Variants in USP15 observed in about 807,000 individuals in gnomAD.
USP15 encodes ubiquitin carboxyl-terminal hydrolase 15.
Under a neutral mutation model 127.1 loss-of-function variants are expected in USP15, and 18 were observed. The observed-to-expected ratio is 0.14, with a 90% CI of 0.10 to 0.21. The LOEUF (loss-of-function observed/expected upper bound fraction) is 0.21, where lower values mean the gene tolerates loss of function less well. Among genes scored for constraint, USP15 ranks in the 10% least tolerant of loss-of-function variants. USP15 has a pLI of 1.00. For missense variants in USP15, 805 were observed against 1,159.9 expected, an observed-to-expected ratio of 0.69 and a Z score of 4.44; for synonymous variants, 364 against 393.7, an observed-to-expected ratio of 0.92 and a Z score of 0.89.
chr12:62,395,031 C>T (rs10877834), intron 19 of USP15, among the ~76,000 whole-genome samples: 34,084 of 151,952 alleles, frequency 0.22, 4,163 homozygotes, highest in African/African-American at 0.34. Flanking sequence ...TTTGATTAGT[C>T]AGTTACATTC....
At chr12:62,331,011 C>T (rs541123279) in intron 6 of USP15, among the ~76,000 whole-genome samples, 1 of 150,178 alleles carries the variant, frequency 6.7e-6, no homozygotes, top group South Asian at 2.1e-4. Flanking sequence ...CAGCACAGAA[C>T]ACGTAATTTT....
At chr12:62,370,673 G>A (rs1382899474) in intron 8 of USP15, among the ~76,000 whole-genome samples, 1 of 152,106 alleles carries the variant, frequency 6.6e-6, no homozygotes, top group Non-Finnish European at 1.5e-5. Context: ...TTGACCTCCT[G>A]TTTGCTAGGT....
intron 1 of USP15, among the ~76,000 whole-genome samples, chr12:62,287,044 A>G (rs1386519014): frequency 6.6e-6 from 1 of 152,200 alleles, no homozygotes; most frequent in Non-Finnish European, 1.5e-5. Context: ...GGAGGCCATT[A>G]TTCTAAGCAA....
intron 6 of USP15, among the ~76,000 whole-genome samples, chr12:62,328,113 TAAG>T (rs2065185139): frequency 1.3e-5 from 2 of 152,152 alleles, no homozygotes; most frequent in African/African-American, 4.8e-5. Context: ...GAGGAGAAGA[TAAG>T]AAAGAAGAAA....
At chr12:62,282,804 AAGG>A (rs2063690509) in intron 1 of USP15, among the ~76,000 whole-genome samples, 2 of 152,186 alleles carry the variant, frequency 1.3e-5, no homozygotes, top group Non-Finnish European at 2.9e-5. Context: ...CTGCAGATAA[AAGG>A]AGGCTACTGT....
chr12:62,314,759 G>A, intron 3 of USP15, 31 bp from the exon 4 acceptor site: 1 of 1,504,944 alleles, frequency 6.6e-7, no homozygotes, highest in Non-Finnish European at 8.9e-7. Flanking sequence ...TGATATAGGT[G>A]ACACTGATTT....
chr12:62,305,943 C>T (rs771029775), intron 3 of USP15: 1 of 152,186 alleles, frequency 6.6e-6, no homozygotes, highest in Non-Finnish European at 1.5e-5. Context: ...TCATTTCTCA[C>T]TCGGGGAATT....
chr12:62,313,390 C>T (rs963049499), intron 3 of USP15, among the ~76,000 whole-genome samples: 2 of 151,442 alleles, frequency 1.3e-5, no homozygotes, highest in Admixed American at 6.6e-5. Context: ...CCTTTTCCTG[C>T]TTTGTGTTGG....
intron 1 of USP15, among the ~76,000 whole-genome samples, chr12:62,275,152 A>G (rs2063453634): frequency 6.6e-6 from 1 of 152,014 alleles, no homozygotes; most frequent in Non-Finnish European, 1.5e-5. Flanking sequence ...AGAATGGGTA[A>G]ATGGAGAGAG....
intron 19 of USP15, among the ~76,000 whole-genome samples, chr12:62,396,082 CATT>C (rs1405362916): frequency 6.6e-6 from 1 of 151,718 alleles, no homozygotes; most frequent in Non-Finnish European, 1.5e-5. Flanking sequence ...TTTGCCAAAA[CATT>C]AATATCTCAG....
intron 1 of USP15, among the ~76,000 whole-genome samples, chr12:62,285,409 C>CA (rs1052524480): frequency 6.6e-6 from 1 of 152,068 alleles, no homozygotes; most frequent in African/African-American, 2.4e-5. Context: ...CATGTTGCTG[C>CA]AAAAAACATG....
chr12:62,362,949 A>G (rs1194788140), intron 8 of USP15, among the ~76,000 whole-genome samples: 1 of 152,192 alleles, frequency 6.6e-6, no homozygotes, highest in Non-Finnish European at 1.5e-5. Flanking sequence ...TAGAAGGACC[A>G]AAAACATGTG....
At chr12:62,332,686 C>G (rs953689432) in intron 6 of USP15, among the ~76,000 whole-genome samples, 5 of 152,014 alleles carry the variant, frequency 3.3e-5, no homozygotes, top group Admixed American at 6.6e-5. Flanking sequence ...TGGAAAACAT[C>G]CAGAGAAAAA....
At position 62,324,223 on chromosome 12, in the gene USP15, C is replaced by G. The variant is rs146904227; in HGVS notation, c.622-1649C>G. On this transcript the variant is annotated intron_variant, in intron 5 of 21. Coordinates refer to ENST00000280377, the MANE Select transcript of USP15 (RefSeq NM_001252078.2). ...GAAAATGATGCACTTGAATAAAGGA[C>G]TGAATTTTAATCTTTCTGATGGTCT... is the stretch of plus-strand genomic sequence containing the variant. Among the ~76,000 whole-genome samples, 600 of 151,896 alleles carry G rather than the reference C, an allele frequency of 4.0e-3. 3 individuals are homozygous for G. The highest frequency in any genetic ancestry group is 0.014 in the African/African-American group (562 of 41,482).
At chr12:62,392,245 CTT>C (rs772566226) in intron 17 of USP15, 25 bp from the exon 18 acceptor site, 2 of 1,473,432 alleles carry the variant, frequency 1.4e-6, no homozygotes. Context: ...CATTTGTTCT[CTT>C]AACTCAAGAA....
intron 8 of USP15, chr12:62,374,665 T>TA: frequency 1.2e-6 from 1 of 836,102 alleles, no homozygotes. Flanking sequence ...CATCAATTTA[T>TA]AAAAAACTTA....
intron 3 of USP15, chr12:62,304,937 G>A: frequency 4.5e-6 from 1 of 223,630 alleles, no homozygotes; most frequent in Non-Finnish European, 9.2e-6. Context: ...TAATGTTTGG[G>A]AATAAAATTA....
intron 1 of USP15, among the ~76,000 whole-genome samples, chr12:62,266,181 A>G (rs1555202511): frequency 6.6e-6 from 1 of 152,226 alleles, no homozygotes; most frequent in South Asian, 2.1e-4. Flanking sequence ...ATCAATAATC[A>G]TAAGCTCTTA....
At position 62,309,941 on chromosome 12, in the gene USP15, G is replaced by A. The variant is rs116802848; in HGVS notation, c.349-4849G>A. On this transcript the variant is annotated intron_variant, in intron 3 of 21. Coordinates refer to ENST00000280377, the MANE Select transcript of USP15 (RefSeq NM_001252078.2). ...TTCTTCCCAAGTCAAGAATAACTGT[G>A]TTAGAAATCTTAGCCAGTATGGTAA... Among the ~76,000 whole-genome samples, 614 of 151,866 alleles carry A rather than the reference G, an allele frequency of 4.0e-3. 6 individuals are homozygous for A. The highest frequency in any genetic ancestry group is 0.014 in the African/African-American group (598 of 41,460).
Sources: gnomAD v4.1 joint callset for allele counts (sites outside exome capture counted in the v4.1 genomes callset) on GRCh38, gnomAD v4.1.1 for gene constraint, MANE v1.5 for transcripts, NCBI Gene and HGNC (gene_info 2026-07-23, HGNC 2026-07-21) for gene names.